The following CFAP20DC variants were observed in gnomAD, a reference collection of about 807,000 sequenced individuals.
CFAP20DC encodes the protein CFAP20 domain containing.
Under a neutral mutation model 101.7 loss-of-function variants are expected in CFAP20DC, and 84 were observed. The observed-to-expected ratio is 0.83, with a 90% CI of 0.69 to 0.99. The LOEUF is 0.99. CFAP20DC is among the 50% of genes least tolerant of loss of function. The pLI is 0.00. For missense variants in CFAP20DC, 1,007 were observed against 970.3 expected (o/e 1.04, Z -0.50); for synonymous variants, 359 against 351.2 (o/e 1.02, Z -0.25).
intron 14 of CFAP20DC, among the ~76,000 whole-genome samples, chr3:58,810,575 T>A (rs1261261533): frequency 6.6e-6 from 1 of 151,448 alleles, no homozygotes; most frequent in African/African-American, 2.4e-5. Flanking sequence ...GAGCTATCTA[T>A]GACAAACCCA....
At chr3:58,733,133 A>C (rs1220360983) in intron 3 of CFAP20DC, among the ~76,000 whole-genome samples, 1 of 152,142 alleles carries the variant, frequency 6.6e-6, no homozygotes. Flanking sequence ...GGTGTTTGAG[A>C]CCAGCCTGGC....
chr3:58,907,025 C>T (rs935478172), intron 6 of CFAP20DC, among the ~76,000 whole-genome samples: 6 of 152,124 alleles, frequency 3.9e-5, no homozygotes, highest in African/African-American at 1.2e-4. Context: ...TCCAGGAAGT[C>T]ATTTTCACTA....
chr3:58,779,150 G>T (rs2071604543), intron 15 of CFAP20DC, among the ~76,000 whole-genome samples: 1 of 152,062 alleles, frequency 6.6e-6, no homozygotes, highest in African/African-American at 2.4e-5. Context: ...CCTGGAAACA[G>T]AATTCAAAAT....
chr3:58,846,985 C>T (rs1264081752), intron 13 of CFAP20DC, among the ~76,000 whole-genome samples: 1 of 136,514 alleles, frequency 7.3e-6, no homozygotes, highest in African/African-American at 2.8e-5. Flanking sequence ...AAACTGGATC[C>T]CTTCCTTACA....
intron 4 of CFAP20DC, among the ~76,000 whole-genome samples, chr3:58,997,382 A>G (rs182983517): frequency 1.3e-5 from 2 of 152,326 alleles, no homozygotes; most frequent in Admixed American, 1.3e-4. Flanking sequence ...TTACCACTTC[A>G]CTATACTGCC....
chr3:59,047,273 A>T lies in CFAP20DC; in HGVS notation c.22-19T>A. On this transcript the variant is annotated intron_variant, in intron 1 of 16. Transcript: ENST00000482387. ...CACCTCCCTAGAAAATGAAAATAAAATATTAAAAGACAATGCTAACGAGGA... is the reference window on the plus strand; with the variant it reads ...CACCTCCCTAGAAAATGAAAATAAATTATTAAAAGACAATGCTAACGAGGA... 1.4e-6 allele frequency: 2 copies of T among 1,467,350 alleles called. No individual in the cohort carries two copies. Among genetic ancestry groups the T allele is most frequent in the Non-Finnish European group, 1.8e-6 (2 of 1,084,814 alleles). 90.9% of individuals were successfully genotyped at this position (1,467,350 alleles called of 1,614,324 possible).
chr3:58,775,439 T>C (rs1036317852), intron 15 of CFAP20DC, among the ~76,000 whole-genome samples: 4 of 152,144 alleles, frequency 2.6e-5, no homozygotes, highest in African/African-American at 4.8e-5. Context: ...ACTAGTGTGA[T>C]TGCAACACAT....
At chr3:59,038,021 C>T (rs1314199230) in intron 4 of CFAP20DC, among the ~76,000 whole-genome samples, 1 of 152,056 alleles carries the variant, frequency 6.6e-6, no homozygotes, top group African/African-American at 2.4e-5. Flanking sequence ...TAAACTAACA[C>T]AGGAACAGAA....
chr3:58,933,160 C>G (rs1339319772), intron 5 of CFAP20DC, among the ~76,000 whole-genome samples: 2 of 151,894 alleles, frequency 1.3e-5, no homozygotes, highest in Non-Finnish European at 2.9e-5. Flanking sequence ...CAACAAAGAT[C>G]AAAAGAGACA....
rs2067418430 is a variant in CFAP20DC, at chr3:58,717,868, A to G, written c.198-240T>C. On this transcript the variant is annotated intron_variant, in intron 3 of 3. Coordinates refer to the CFAP20DC transcript ENST00000486145. The surrounding 1 kb of genome is among the most constrained non-coding windows in gnomAD (Gnocchi z 4.1). The stretch of plus-strand genomic sequence containing the variant: ...CTGCAGCCCAAACCAGAGTTGCATT[A>G]GGAAGATGAAGGGAAGGAGAAAATT... 6.6e-6 allele frequency among the ~76,000 whole-genome samples: 1 copy of G among 152,202 alleles called. No homozygotes were observed. Among genetic ancestry groups the G allele is most frequent in the Non-Finnish European group, 1.5e-5 (1 of 68,032 alleles).
rs2093324144 is a variant in CFAP20DC at position 59,001,975 on chromosome 3, T to C, written c.278+37582A>G. ...GAAAAAGTGAACTATTAAACAAAAA[T>C]GTAAGTAACTTTTGGCATTTTTTAA... On this transcript the variant is annotated intron_variant, in intron 4 of 16. Coordinates refer to ENST00000482387, the MANE Select transcript of CFAP20DC (RefSeq NM_001394063.1). The surrounding 1 kb of genome is among the most constrained non-coding windows in gnomAD (Gnocchi z 4.5). Among the ~76,000 whole-genome samples, 1 of 152,144 alleles carries C rather than the reference T, an allele frequency of 6.6e-6. No homozygotes were observed. The highest frequency in any genetic ancestry group is 1.5e-5 in the Non-Finnish European group (1 of 68,026).
At chr3:58,955,889 G>A (rs921077831) in intron 4 of CFAP20DC, among the ~76,000 whole-genome samples, 3 of 151,416 alleles carry the variant, frequency 2.0e-5, no homozygotes, top group Non-Finnish European at 4.4e-5. Flanking sequence ...GAGGCATGAG[G>A]CCCCCTTTCC....
chr3:58,977,284 A>G (rs925848175), intron 4 of CFAP20DC, among the ~76,000 whole-genome samples: 1 of 152,226 alleles, frequency 6.6e-6, no homozygotes, highest in Non-Finnish European at 1.5e-5. Flanking sequence ...TAGCCTCTTT[A>G]GGATCTGTTC....
chr3:58,785,052 GGATA>G (rs1352117798), intron 15 of CFAP20DC, among the ~76,000 whole-genome samples: 1 of 152,078 alleles, frequency 6.6e-6, no homozygotes, highest in African/African-American at 2.4e-5. Context: ...ACGAATGAAT[GGATA>G]AAGAAAATAT....
At chr3:59,011,653 G>T (rs1359615457) in intron 4 of CFAP20DC, among the ~76,000 whole-genome samples, 2 of 152,012 alleles carry the variant, frequency 1.3e-5, no homozygotes, top group African/African-American at 4.8e-5. Context: ...AAATACGAAA[G>T]ATAAGTCTCT....
rs1025868268 is a variant in CFAP20DC at position 58,863,081 on chromosome 3, T to C, written c.1593+477A>G. 2.0e-6 allele frequency: 2 copies of C among 995,136 alleles called. No individual in the cohort carries two copies. Among genetic ancestry groups the C allele is most frequent in the Non-Finnish European group, 2.4e-6 (2 of 836,930 alleles). The allele number at this position is 995,136 out of a possible 1,614,324, so 61.6% of individuals were successfully genotyped here. A position where few individuals can be genotyped will look rare whatever the true frequency, so the allele number is the denominator to read the frequency against. On this transcript the variant is annotated intron_variant, in intron 12 of 16. Transcript: ENST00000482387. This position sits in a 1 kb window ranked among gnomAD's most constrained non-coding sequence, Gnocchi z 5.9. ...TCTAAACTTTAATTGGCACAACTCT[T>C]CAAATTCTGGGACCATATGGAAAAT... is the stretch of plus-strand genomic sequence containing the variant.
At position 58,829,595 on chromosome 3, in the gene CFAP20DC, G is replaced by T. The variant is rs73837970; in HGVS notation, c.2175+2091C>A. Reference sequence around the variant, plus strand: ...TAAACATATCTTATGAATACCAAAGGTAGGCTTTTCAATATTTTCTCTGTC... The same window carrying T: ...TAAACATATCTTATGAATACCAAAGTTAGGCTTTTCAATATTTTCTCTGTC... On this transcript the variant is annotated intron_variant, in intron 14 of 16. Coordinates refer to ENST00000482387, the MANE Select transcript of CFAP20DC (RefSeq NM_001394063.1). 4.5e-3 allele frequency among the ~76,000 whole-genome samples: 687 copies of T among 152,218 alleles called. 5 individuals carry two copies. The highest frequency in any genetic ancestry group is 0.016 in the African/African-American group (649 of 41,534).
chr3:58,837,432 T>C (rs1053037336), intron 13 of CFAP20DC, among the ~76,000 whole-genome samples: 3 of 152,200 alleles, frequency 2.0e-5, no homozygotes, highest in Non-Finnish European at 2.9e-5. Context: ...TAAAACCAAA[T>C]GTGGGGATAA....
intron 15 of CFAP20DC, among the ~76,000 whole-genome samples, chr3:58,778,235 G>C (rs1471753938): frequency 6.6e-6 from 1 of 152,154 alleles, no homozygotes; most frequent in Non-Finnish European, 1.5e-5. Context: ...GTCTACCACA[G>C]TTAAGTGCCT....
Sources: gnomAD v4.1 joint callset for allele counts (sites outside exome capture counted in the v4.1 genomes callset) on GRCh38, gnomAD v4.1.1 for gene constraint, Gnocchi (gnomAD v3.1) non-coding constraint, MANE v1.5 for transcripts, NCBI Gene and HGNC (gene_info 2026-07-23, HGNC 2026-07-21) for gene names.